Variants in USP3 observed in about 807,000 individuals in gnomAD.
USP3 encodes the protein ubiquitin specific peptidase 3, also known as ubiquitin carboxyl-terminal hydrolase 3.
A neutral mutation model predicts 72.3 loss-of-function variants in USP3; 20 were observed. The ratio of observed to expected loss-of-function variants is 0.28; its 90% CI spans 0.19 to 0.40. The LOEUF is 0.40. USP3 is among the 10% of genes least tolerant of loss of function. The pLI is 1.00. For synonymous variants in USP3, 222 were observed against 225.3 expected (o/e 0.99, Z 0.13); for missense variants, 479 against 633.9 (o/e 0.76, Z 2.62).
chr15:63,507,063 C>A (rs973638005), intron 1 of USP3, among the ~76,000 whole-genome samples: 1 of 151,996 alleles, frequency 6.6e-6, no homozygotes, highest in Non-Finnish European at 1.5e-5. Flanking sequence ...GTTATATAGT[C>A]GTATTTTTTT....
At chr15:63,568,121 G>A (rs532116620) in intron 8 of USP3, among the ~76,000 whole-genome samples, 7 of 152,104 alleles carry the variant, frequency 4.6e-5, no homozygotes, top group East Asian at 3.9e-4. Flanking sequence ...TTGGGAGGCC[G>A]AGGCGGGCGG....
At position 63,584,137 on chromosome 15, in the gene USP3, G is replaced by A. The variant is rs564841875; in HGVS notation, c.1097-4168G>A. Among the ~76,000 whole-genome samples, 8 of 125,478 alleles carry A rather than the reference G, an allele frequency of 6.4e-5. No homozygotes were observed. In the East Asian group the frequency reaches 6.8e-4, roughly 11 times the overall value. 82.3% of individuals were successfully genotyped at this position (125,478 alleles called of 152,430 possible). On this transcript the variant is annotated intron_variant, in intron 11 of 14. Coordinates refer to ENST00000380324, the MANE Select transcript of USP3 (RefSeq NM_006537.4). ...TTTTGAGATGGAGTCTCGCTCTGTC[G>A]CGCAGGCTGGAGTGCAGTGGCATGA...
intron 1 of USP3, among the ~76,000 whole-genome samples, chr15:63,523,652 A>G (rs1567094185): frequency 6.6e-6 from 1 of 152,212 alleles, no homozygotes; most frequent in Admixed American, 6.5e-5. Flanking sequence ...GTTGTGGAAC[A>G]ATTTGCTAGG....
intron 1 of USP3, among the ~76,000 whole-genome samples, chr15:63,527,682 T>G (rs894476080): frequency 5.3e-5 from 8 of 152,238 alleles, no homozygotes; most frequent in African/African-American, 1.4e-4. Context: ...CCTTTTCTTG[T>G]GAACACAACC....
chr15:63,527,938 T>TC (rs2066009351), intron 1 of USP3: 1 of 152,232 alleles, frequency 6.6e-6, no homozygotes, highest in South Asian at 2.1e-4. Flanking sequence ...CTGGGGCTCT[T>TC]CCCACCCTCT....
rs2067217018 is a variant in USP3, at chr15:63,592,303, C to G, written c.*1477C>G. The G allele has an allele frequency of 6.7e-6, 1 of 150,034 alleles. No individual in the cohort carries two copies. Among genetic ancestry groups the G allele is most frequent in the South Asian group, 2.1e-4 (1 of 4,776 alleles). The allele number at this position is 150,034 out of a possible 1,614,324, so 9.3% of individuals were successfully genotyped here. A position where few individuals can be genotyped will look rare whatever the true frequency, so the allele number is the denominator to read the frequency against. On this transcript the variant is annotated 3_prime_UTR_variant, in exon 15 of 15. Transcript: ENST00000380324. ...CATTTAAAGAAAGCAGTTGTGGTTT[C>G]TACAAGTGTTCTAAGACAGTCCTGT... is the stretch of plus-strand genomic sequence containing the variant.
chr15:63,594,233 C>G lies in USP3; in HGVS notation c.*3407C>G, dbSNP rs969082726. The G allele has an allele frequency of 1.3e-5, 2 of 152,232 alleles. No individual in the cohort carries two copies. Among genetic ancestry groups the G allele is most frequent in the Admixed American group, 6.5e-5 (1 of 15,274 alleles). The allele number at this position is 152,232 out of a possible 1,614,324, so 9.4% of individuals were successfully genotyped here. A position where few individuals can be genotyped will look rare whatever the true frequency, so the allele number is the denominator to read the frequency against. On this transcript the variant is annotated 3_prime_UTR_variant, in exon 15 of 15. Transcript: ENST00000380324. ...CAGCCCCTAAACTCTCTCCTGTACC[C>G]TCTGTTGCTGAAGTGGCCTCTTCAC...
intron 1 of USP3, among the ~76,000 whole-genome samples, chr15:63,512,352 C>CTT (rs2065799232): frequency 2.4e-5 from 1 of 41,922 alleles, no homozygotes; most frequent in Non-Finnish European, 7.4e-5. Context: ...TCCTCCTCTT[C>CTT]CTCTTCTTCT....
At chr15:63,560,289 A>G (rs1389972761) in intron 7 of USP3, among the ~76,000 whole-genome samples, 4 of 151,844 alleles carry the variant, frequency 2.6e-5, no homozygotes, top group Non-Finnish European at 4.4e-5. Flanking sequence ...GGTGGCGGGT[A>G]CCTGTAATCC....
intron 1 of USP3, 31 bp downstream of exon 1, chr15:63,504,861 G>T (rs1442180435): frequency 2.6e-6 from 4 of 1,540,988 alleles, no homozygotes; most frequent in Non-Finnish European, 3.5e-6. Flanking sequence ...GCCCCGCAGC[G>T]CACCCGAGGC....
rs2067200823 is a variant in USP3 at position 63,591,582 on chromosome 15, A to G, written c.*756A>G. ...AAAAAAAATGCTGTGACTCACTGACATGGTATAGGTGTTACCAGTGAGGTA... is the reference window on the plus strand; with the variant it reads ...AAAAAAAATGCTGTGACTCACTGACGTGGTATAGGTGTTACCAGTGAGGTA... On this transcript the variant is annotated 3_prime_UTR_variant, in exon 15 of 15. Coordinates refer to ENST00000380324, the MANE Select transcript of USP3 (RefSeq NM_006537.4). The G allele has an allele frequency of 6.6e-6, 1 of 152,200 alleles. No homozygotes were observed. The highest frequency in any genetic ancestry group is 2.4e-5 in the African/African-American group (1 of 41,426). 9.4% of individuals were successfully genotyped at this position (152,200 alleles called of 1,614,324 possible).
intron 11 of USP3, among the ~76,000 whole-genome samples, chr15:63,577,567 C>T (rs1340391983): frequency 6.6e-6 from 1 of 152,146 alleles, no homozygotes; most frequent in African/African-American, 2.4e-5. Flanking sequence ...TCCTGGCCAA[C>T]ATGGTGAAAC....
At chr15:63,549,134 A>T (rs2066399668) in intron 3 of USP3, among the ~76,000 whole-genome samples, 1 of 152,180 alleles carries the variant, frequency 6.6e-6, no homozygotes, top group Non-Finnish European at 1.5e-5. Context: ...ATTATTAGAG[A>T]TAGTTTGCAC....
intron 11 of USP3, among the ~76,000 whole-genome samples, chr15:63,579,684 C>T (rs550970781): frequency 6.6e-6 from 1 of 151,948 alleles, no homozygotes; most frequent in Non-Finnish European, 1.5e-5. Flanking sequence ...GGAAACGTTT[C>T]ATAAATTTAA....
intron 7 of USP3, among the ~76,000 whole-genome samples, 156 bp from the exon 8 acceptor site, chr15:63,562,739 A>T (rs1048479466): frequency 3.3e-5 from 5 of 152,170 alleles, no homozygotes; most frequent in African/African-American, 9.7e-5. Context: ...TGGGTTTTTG[A>T]GATGCTCTTA....
rs2067112986 is a variant in USP3, at chr15:63,588,146, GTAT to G, written c.1097-154_1097-152del. On this transcript the variant is annotated intron_variant, in intron 11 of 14. Transcript: ENST00000380324. This position sits in a 1 kb window ranked among gnomAD's most constrained non-coding sequence, Gnocchi z 4.6. ...TCCTTATAATAGTTCTTCAAAGTAGGTATTATTTTTTGTCTCCAGTTTGCAATT... is the reference window on the plus strand; with the variant it reads ...TCCTTATAATAGTTCTTCAAAGTAGGTATTTTTTGTCTCCAGTTTGCAATT... The G allele has an allele frequency of 1.9e-6, 1 of 539,372 alleles. No homozygotes were observed. The highest frequency in any genetic ancestry group is 3.2e-6 in the Non-Finnish European group (1 of 308,774). 33.4% of individuals were successfully genotyped at this position (539,372 alleles called of 1,614,324 possible). A position where few individuals can be genotyped will look rare whatever the true frequency, so the allele number is the denominator to read the frequency against.
At chr15:63,558,897 T>G (rs1472651264) in intron 6 of USP3, among the ~76,000 whole-genome samples, 1 of 151,950 alleles carries the variant, frequency 6.6e-6, no homozygotes, top group African/African-American at 2.4e-5. Context: ...ATTAATTAAT[T>G]AATTAAATAA....
chr15:63,531,758 G>A (rs2066079555), intron 1 of USP3, among the ~76,000 whole-genome samples: 1 of 152,122 alleles, frequency 6.6e-6, no homozygotes, highest in Non-Finnish European at 1.5e-5. Flanking sequence ...CTATGATCCT[G>A]TGTGGTTGTG....
At position 63,558,137 on chromosome 15, in the gene USP3, T is replaced by G. The variant is rs778794946; in HGVS notation, c.482T>G (p.Leu161Arg). 1 of 1,614,082 alleles carries G rather than the reference T, an allele frequency of 6.2e-7. No homozygotes were observed. Among genetic ancestry groups the G allele is most frequent in the South Asian group, 1.1e-5 (1 of 91,080 alleles). ...GSTTAICATG[L>R]RNLGNTCFMN... ...ACCACTGCCATTTGTGCCACAGGCC[T>G]TCGGAATTTGGGGAACACATGTTTC... is the stretch of plus-strand genomic sequence containing the variant. The change falls in exon 6 of 15, where the codon CTT (leucine) becomes CGT (arginine). Residue 161 changes from leucine to arginine, a missense_variant. Physicochemically the swap from Leu to Arg is moderately radical, Grantham distance 102 (BLOSUM62 -2). Transcript: ENST00000380324.
Sources: gnomAD v4.1 joint callset for allele counts (sites outside exome capture counted in the v4.1 genomes callset) on GRCh38, gnomAD v4.1.1 for gene constraint, Gnocchi (gnomAD v3.1) non-coding constraint, MANE v1.5 for transcripts, NCBI Gene and HGNC (gene_info 2026-07-23, HGNC 2026-07-21) for gene names.